Variants in CACNA2D1 observed in about 807,000 individuals in gnomAD.
CACNA2D1 encodes the protein calcium voltage-gated channel auxiliary subunit alpha2delta 1, also known as voltage-dependent calcium channel subunit alpha-2/delta-1.
In CACNA2D1, 53 loss-of-function variants were observed where a neutral mutation model predicts 171.5. The ratio of observed to expected loss-of-function variants is 0.31; its 90% confidence interval spans 0.25 to 0.39. CACNA2D1 has a LOEUF of 0.39. Ranked by LOEUF, CACNA2D1 falls within the 10% of genes least tolerant of loss-of-function variation. The probability of loss-of-function intolerance (pLI) is 1.00; values close to 1 mark genes in which losing one functional copy is unlikely to be tolerated. For synonymous variants in CACNA2D1, 442 were observed against 443.1 expected, an observed-to-expected ratio of 1.00 and a Z score of 0.03; for missense variants, 903 against 1,299.8, an observed-to-expected ratio of 0.69 and a Z score of 4.69.
At chr7:82,326,267 T>C (rs1020132646) in intron 3 of CACNA2D1, among the ~76,000 whole-genome samples, 3 of 152,224 alleles carry the variant, frequency 2.0e-5, no homozygotes, top group Admixed American at 6.5e-5. Context: ...GAATATGCCA[T>C]AGACACTTCA....
At chr7:81,996,558 C>A (rs936572858) in intron 19 of CACNA2D1, among the ~76,000 whole-genome samples, 22 of 151,750 alleles carry the variant, frequency 1.4e-4, no homozygotes, top group African/African-American at 5.3e-4. Flanking sequence ...TCAAATGTAT[C>A]ATCAGTACAA....
chr7:82,241,207 C>T (rs1268129156), intron 3 of CACNA2D1, among the ~76,000 whole-genome samples: 1 of 152,060 alleles, frequency 6.6e-6, no homozygotes, highest in Non-Finnish European at 1.5e-5. Flanking sequence ...AGTTATGACC[C>T]TGATTACGAA....
chr7:82,263,568 T>C (rs1021267828), intron 3 of CACNA2D1, among the ~76,000 whole-genome samples: 2 of 152,174 alleles, frequency 1.3e-5, no homozygotes, highest in African/African-American at 4.8e-5. Context: ...TATAAATGAA[T>C]GACTTTTTAA....
At chr7:82,138,678 C>A in intron 4 of CACNA2D1, among the ~76,000 whole-genome samples, 1 of 151,820 alleles carries the variant, frequency 6.6e-6, no homozygotes, top group East Asian at 1.9e-4. Flanking sequence ...GATCTCCTGA[C>A]CTCGTGATCC....
chr7:82,209,665 G>C (rs1356152512), intron 3 of CACNA2D1, among the ~76,000 whole-genome samples: 7 of 152,092 alleles, frequency 4.6e-5, no homozygotes, highest in African/African-American at 1.7e-4. Flanking sequence ...ATATATGCCA[G>C]GGAAGTTCTA....
At chr7:82,269,972 T>C (rs1031233430) in intron 3 of CACNA2D1, among the ~76,000 whole-genome samples, 2 of 152,154 alleles carry the variant, frequency 1.3e-5, no homozygotes, top group African/African-American at 4.8e-5. Context: ...GCAAGCAGCA[T>C]TGGAGGCTGA....
intron 3 of CACNA2D1, among the ~76,000 whole-genome samples, chr7:82,277,745 C>CTTTTTTTTTTTTTTTTT (rs1186719410): frequency 7.0e-6 from 1 of 142,094 alleles, no homozygotes. Flanking sequence ...TAATTTTTTA[C>CTTTTTTTTTTTTTTTTT]TTTTATTTTT....
chr7:81,950,561 G>T (rs1792402535), intron 38 of CACNA2D1, 53 bp from the exon 39 acceptor site: 3 of 1,551,228 alleles, frequency 1.9e-6, no homozygotes, highest in African/African-American at 1.4e-5. Context: ...TAAAAATCTT[G>T]AAAAATATTT....
intron 1 of CACNA2D1, among the ~76,000 whole-genome samples, chr7:82,426,218 CTTAAA>C (rs1393552515): frequency 6.6e-6 from 1 of 151,462 alleles, no homozygotes; most frequent in Non-Finnish European, 1.5e-5. Context: ...TTCACTGAAC[CTTAAA>C]TTAGTCATCA....
intron 4 of CACNA2D1, among the ~76,000 whole-genome samples, chr7:82,139,976 T>TATTATTATTATA (rs1792165346): frequency 6.7e-6 from 1 of 148,216 alleles, no homozygotes; most frequent in Non-Finnish European, 1.5e-5. Context: ...TTATTATTAT[T>TATTATTATTATA]AACGGTGTTT....
At chr7:82,423,418 T>C (rs1828899452) in intron 1 of CACNA2D1, among the ~76,000 whole-genome samples, 1 of 152,148 alleles carries the variant, frequency 6.6e-6, no homozygotes, top group African/African-American at 2.4e-5. Flanking sequence ...ACTGAAACTA[T>C]GAACAAAGAG....
intron 6 of CACNA2D1, among the ~76,000 whole-genome samples, chr7:82,105,398 C>CTTTTTTTTTTTTT (rs572031121): frequency 2.1e-4 from 21 of 99,464 alleles, no homozygotes; most frequent in Non-Finnish European, 3.8e-4. Context: ...CAGTTTTTGT[C>CTTTTTTTTTTTTT]TTTTTTTTTT....
intron 3 of CACNA2D1, among the ~76,000 whole-genome samples, chr7:82,201,117 A>C (rs1239781762): frequency 6.6e-6 from 1 of 152,206 alleles, no homozygotes; most frequent in Non-Finnish European, 1.5e-5. Flanking sequence ...ATACCACTAG[A>C]TACCAGGTAG....
chr7:82,016,958 C>T (rs1800559851), intron 12 of CACNA2D1, among the ~76,000 whole-genome samples: 1 of 151,976 alleles, frequency 6.6e-6, no homozygotes, highest in South Asian at 2.1e-4. Context: ...CATTATTTTC[C>T]TGAAATTTTA....
chr7:82,208,349 C>G (rs2129219814), intron 3 of CACNA2D1, among the ~76,000 whole-genome samples: 1 of 152,124 alleles, frequency 6.6e-6, no homozygotes, highest in African/African-American at 2.4e-5. Flanking sequence ...AATAGTTTGT[C>G]AGAAAGCTAT....
chr7:82,075,946 A>C (rs1206244695), intron 7 of CACNA2D1, among the ~76,000 whole-genome samples: 1 of 152,272 alleles, frequency 6.6e-6, no homozygotes, highest in East Asian at 1.9e-4. Context: ...AGCAATACTT[A>C]TTTACATATT....
chr7:82,291,531 T>C (rs966937981), intron 3 of CACNA2D1, among the ~76,000 whole-genome samples: 5 of 139,010 alleles, frequency 3.6e-5, no homozygotes, highest in South Asian at 4.3e-4. Flanking sequence ...GATAGATCTA[T>C]ATATGTGATA....
chr7:82,253,123 G>A (rs1222010267), intron 3 of CACNA2D1, among the ~76,000 whole-genome samples: 1 of 152,152 alleles, frequency 6.6e-6, no homozygotes, highest in Non-Finnish European at 1.5e-5. Flanking sequence ...AATGGCTGGA[G>A]AAGAAGGGCT....
chr7:82,016,648 A>G (rs1387506435), intron 12 of CACNA2D1, among the ~76,000 whole-genome samples: 2 of 123,408 alleles, frequency 1.6e-5, no homozygotes, highest in East Asian at 2.8e-4. Context: ...TGCTTTATTT[A>G]TTTTGCTATA....
Sources: gnomAD v4.1 joint callset for allele counts (sites outside exome capture counted in the v4.1 genomes callset) on GRCh38, gnomAD v4.1.1 for gene constraint, MANE v1.5 for transcripts, NCBI Gene and HGNC (gene_info 2026-07-23, HGNC 2026-07-21) for gene names.